RBMS3: variants seen among roughly 807,000 people sequenced by gnomAD.
RBMS3 encodes RNA binding motif single stranded interacting protein 3.
A neutral mutation model predicts 66.8 loss-of-function variants in RBMS3; 27 were observed. The observed-to-expected ratio is 0.40, with a 90% confidence interval of 0.30 to 0.56. The LOEUF is 0.56. RBMS3 is among the 20% of genes least tolerant of loss of function. The probability of loss-of-function intolerance (pLI) is 0.40; values close to 1 mark genes in which losing one functional copy is unlikely to be tolerated. For missense variants in RBMS3, 513 were observed against 549.5 expected, an observed-to-expected ratio of 0.93 and a Z score of 0.66; for synonymous variants, 188 against 183.0, an observed-to-expected ratio of 1.03 and a Z score of -0.22.
intron 4 of RBMS3, among the ~76,000 whole-genome samples, chr3:29,601,009 A>G (rs773805864): frequency 4.6e-5 from 7 of 152,068 alleles, no homozygotes; most frequent in Non-Finnish European, 8.8e-5. Flanking sequence ...TGTACTGGTT[A>G]ATGGATTGTC....
At chr3:29,421,651 T>A (rs2040741275) in intron 1 of RBMS3, among the ~76,000 whole-genome samples, 1 of 152,184 alleles carries the variant, frequency 6.6e-6, no homozygotes, top group Non-Finnish European at 1.5e-5. Context: ...AAATTTATAT[T>A]TGTCTTAAAA....
chr3:29,651,567 A>T (rs1339029983), intron 4 of RBMS3, among the ~76,000 whole-genome samples: 1 of 152,162 alleles, frequency 6.6e-6, no homozygotes, highest in Non-Finnish European at 1.5e-5. Context: ...GAAAACATAC[A>T]AGTGTACACA....
intron 1 of RBMS3, among the ~76,000 whole-genome samples, chr3:29,358,561 A>C (rs1407291666): frequency 6.7e-6 from 1 of 148,760 alleles, no homozygotes; most frequent in Non-Finnish European, 1.5e-5. Flanking sequence ...ACTTTAAAGT[A>C]GTTTTTTCCA....
intron 1 of RBMS3, among the ~76,000 whole-genome samples, chr3:29,292,768 A>G (rs1442972246): frequency 6.6e-6 from 1 of 151,830 alleles, no homozygotes; most frequent in Non-Finnish European, 1.5e-5. Flanking sequence ...AAAATGAACT[A>G]AAGAGAAAGA....
intron 3 of RBMS3, among the ~76,000 whole-genome samples, chr3:29,532,951 C>G (rs759560260): frequency 6.6e-6 from 1 of 152,034 alleles, no homozygotes; most frequent in East Asian, 1.9e-4. Context: ...AGTATTACTT[C>G]GATTTTTGAA....
chr3:29,347,470 TATTAA>T (rs1225300748), intron 1 of RBMS3, among the ~76,000 whole-genome samples: 5 of 152,228 alleles, frequency 3.3e-5, no homozygotes, highest in Non-Finnish European at 7.3e-5. Flanking sequence ...CTTGTAATCC[TATTAA>T]ATTATAGTCT....
chr3:29,774,961 G>A (rs892830683), intron 6 of RBMS3, among the ~76,000 whole-genome samples: 5 of 151,400 alleles, frequency 3.3e-5, no homozygotes, highest in East Asian at 3.9e-4. Flanking sequence ...TAAATATAAC[G>A]TGTCTAAACA....
At chr3:29,893,621 A>G (rs1270716146) in intron 8 of RBMS3, among the ~76,000 whole-genome samples, 2 of 151,626 alleles carry the variant, frequency 1.3e-5, no homozygotes, top group East Asian at 3.9e-4. Flanking sequence ...CCTTACAAAT[A>G]AGATCTGTCA....
At chr3:29,626,275 T>C (rs899690077) in intron 4 of RBMS3, among the ~76,000 whole-genome samples, 1 of 152,172 alleles carries the variant, frequency 6.6e-6, no homozygotes, top group Non-Finnish European at 1.5e-5. Context: ...GCCTACCCCA[T>C]TCTTAAAACT....
chr3:29,455,680 T>C (rs2042164161), intron 2 of RBMS3, among the ~76,000 whole-genome samples: 1 of 152,098 alleles, frequency 6.6e-6, no homozygotes, highest in South Asian at 2.1e-4. Context: ...GAACAAAGCT[T>C]ATCTAATACA....
intron 10 of RBMS3, among the ~76,000 whole-genome samples, chr3:29,904,836 T>A (rs536351672): frequency 6.6e-6 from 1 of 152,142 alleles, no homozygotes; most frequent in Admixed American, 6.6e-5. Flanking sequence ...AATTTTGTTT[T>A]CTTTATCTCT....
At chr3:29,341,314 G>T (rs913731422) in intron 1 of RBMS3, among the ~76,000 whole-genome samples, 1 of 151,940 alleles carries the variant, frequency 6.6e-6, no homozygotes, top group Non-Finnish European at 1.5e-5. Flanking sequence ...TGTGAAGTTG[G>T]CTTTATCACT....
At chr3:29,507,133 T>C (rs1484777514) in intron 3 of RBMS3, among the ~76,000 whole-genome samples, 1 of 151,926 alleles carries the variant, frequency 6.6e-6, no homozygotes, top group Non-Finnish European at 1.5e-5. Context: ...AATTTCTCTT[T>C]CTTTTTCTGA....
chr3:29,367,483 G>A (rs2037972434), intron 1 of RBMS3, among the ~76,000 whole-genome samples: 1 of 152,004 alleles, frequency 6.6e-6, no homozygotes, highest in Non-Finnish European at 1.5e-5. Flanking sequence ...TATAATCACA[G>A]ATGTTTTTAA....
intron 3 of RBMS3, among the ~76,000 whole-genome samples, chr3:29,528,964 G>A (rs761346746): frequency 1.3e-5 from 2 of 151,626 alleles, no homozygotes; most frequent in Non-Finnish European, 1.5e-5. Flanking sequence ...GGCTGGTCTC[G>A]AACTCCTGAC....
intron 3 of RBMS3, among the ~76,000 whole-genome samples, chr3:29,554,134 T>A (rs2046267459): frequency 6.6e-6 from 1 of 152,236 alleles, no homozygotes. Context: ...AGTATGCTAA[T>A]GTACCTTATA....
In RBMS3 at chr3:29,762,918, C is replaced by T; in HGVS notation, c.566C>T (p.Ser189Phe). 6.2e-7 allele frequency: 1 copy of T among 1,605,512 alleles called. No individual in the cohort carries two copies. Among genetic ancestry groups the T allele is most frequent in the Non-Finnish European group, 8.5e-7 (1 of 1,174,510 alleles). ...TTACCTTTTTTTCCCAGAATGGAGT[C>T]TACTGAAAAATGTGAAGTGGTAATT... is the stretch of plus-strand genomic sequence containing the variant. ...SRGVGFARME[S>F]TEKCEVVIQH... The change falls in exon 6 of 15, where the codon TCT (serine) becomes TTT (phenylalanine). Residue 189 changes from serine to phenylalanine, a missense_variant. Coordinates refer to ENST00000383767, the MANE Select transcript of RBMS3 (RefSeq NM_001003793.3).
intron 12 of RBMS3, among the ~76,000 whole-genome samples, chr3:29,946,442 C>A (rs1361634817): frequency 1.3e-5 from 2 of 151,600 alleles, no homozygotes; most frequent in Non-Finnish European, 3.0e-5. Context: ...ATCAATATTT[C>A]AACATTTATT....
intron 4 of RBMS3, among the ~76,000 whole-genome samples, chr3:29,653,122 G>T (rs929180884): frequency 6.6e-6 from 1 of 152,224 alleles, no homozygotes; most frequent in African/African-American, 2.4e-5. Context: ...GTTAAGATTT[G>T]CTCAGAAATT....
Sources: gnomAD v4.1 joint callset for allele counts (sites outside exome capture counted in the v4.1 genomes callset) on GRCh38, gnomAD v4.1.1 for gene constraint, MANE v1.5 for transcripts, NCBI Gene and HGNC (gene_info 2026-07-23, HGNC 2026-07-21) for gene names.